DOCK11: variants seen among roughly 807,000 people sequenced by gnomAD.
DOCK11 encodes dedicator of cytokinesis protein 11.
A neutral mutation model predicts 169.1 loss-of-function variants in DOCK11; 70 were observed. The ratio of observed to expected loss-of-function variants is 0.41; its 90% CI spans 0.34 to 0.51. DOCK11 has a LOEUF of 0.51. DOCK11 is among the 20% of genes least tolerant of loss of function. The pLI is 0.10. For missense variants in DOCK11, 1,166 were observed against 1,538.8 expected (o/e 0.76, Z 4.05); for synonymous variants, 529 against 541.3 (o/e 0.98, Z 0.32).
At chrX:118,574,134 T>C in intron 12 of DOCK11, 116 bp downstream of exon 12, 1 of 788,786 alleles carries the variant, frequency 1.3e-6, no homozygotes. Context: ...TTGTAAGGTC[T>C]GTCGATAGAG....
chrX:118,565,661 A>G lies in DOCK11; in HGVS notation c.694-344A>G, dbSNP rs1383315963. 3.3e-4 allele frequency among the ~76,000 whole-genome samples: 37 copies of G among 111,962 alleles called. No individual in the cohort carries two copies. In the Admixed American group the frequency reaches 3.4e-3, roughly 10 times the overall value. On this transcript the variant is annotated intron_variant, in intron 7 of 52. Transcript: ENST00000276202. The stretch of plus-strand genomic sequence containing the variant: ...TCAAGGAAAAGTTTGAACGGAGTGG[A>G]AATTCTAAAATGTTTGCTTACTTTT...
At chrX:118,632,972 G>GGGGGGGGGGTGAGGGGGGT (rs2015287847) in intron 35 of DOCK11, 1 of 83,888 alleles carries the variant, frequency 1.2e-5, no homozygotes, top group Non-Finnish European at 2.3e-5. Flanking sequence ...GGGGCGGTGG[G>GGGGGGGGGGTGAGGGGGGT]GGGGGGGGTG....
In DOCK11 at chrX:118,579,316, G is replaced by A. The variant is rs759665445; in HGVS notation, c.1512+669G>A. On this transcript the variant is annotated intron_variant, in intron 13 of 52. Transcript: ENST00000276202. ...GAAATTCAAATGTTTGGAAATCATC[G>A]CTCTAATCTCATCCTCTCCTTTTAT... Among the ~76,000 whole-genome samples the A allele has an allele frequency of 1.7e-4, 19 of 111,618 alleles. No homozygotes were observed. The South Asian group carries it at 5.2e-3, about 31-fold the overall frequency.
At chrX:118,589,798 G>C (rs2013926435) in intron 18 of DOCK11, among the ~76,000 whole-genome samples, 1 of 112,409 alleles carries the variant, frequency 8.9e-6, no homozygotes, top group Admixed American at 9.4e-5. Context: ...GCTTCACCTT[G>C]CCCACTGCAC....
intron 48 of DOCK11, among the ~76,000 whole-genome samples, chrX:118,677,977 A>G (rs1295053805): frequency 1.8e-5 from 2 of 112,385 alleles, no homozygotes; most frequent in Non-Finnish European, 3.8e-5. Context: ...AATGCTAGCG[A>G]CAAACCACTA....
At chrX:118,571,740 A>C (rs946488963) in intron 10 of DOCK11, among the ~76,000 whole-genome samples, 1 of 112,116 alleles carries the variant, frequency 8.9e-6, no homozygotes, top group African/African-American at 3.2e-5. Context: ...CACATATAAA[A>C]AGTAATATTA....
chrX:118,609,204 A>AT (rs1257461347), intron 26 of DOCK11, 74 bp from the exon 27 acceptor site: 1 of 745,872 alleles, frequency 1.3e-6, no homozygotes, highest in African/African-American at 2.1e-5. Flanking sequence ...GACAAGACCC[A>AT]TATTGATCTG....
At chrX:118,639,933 C>T (rs1195230497) in intron 38 of DOCK11, among the ~76,000 whole-genome samples, 3 of 112,222 alleles carry the variant, frequency 2.7e-5, no homozygotes, top group South Asian at 3.6e-4. Flanking sequence ...CATGGAATTG[C>T]TATTCTCATA....
At chrX:118,623,886 A>C (rs1345232794) in intron 31 of DOCK11, among the ~76,000 whole-genome samples, 2 of 112,651 alleles carry the variant, frequency 1.8e-5, no homozygotes, top group African/African-American at 6.4e-5. Context: ...CTGGCGAGGA[A>C]TGTCTATAAG....
chrX:118,564,816 G>T (rs907751687), intron 7 of DOCK11, among the ~76,000 whole-genome samples: 1 of 108,032 alleles, frequency 9.3e-6, no homozygotes, highest in East Asian at 2.9e-4. Context: ...GAGTGCAGTG[G>T]CATGATCATA....
intron 28 of DOCK11, among the ~76,000 whole-genome samples, chrX:118,611,872 A>T (rs910650516): frequency 6.3e-5 from 7 of 111,530 alleles, no homozygotes; most frequent in African/African-American, 2.3e-4. Context: ...CTCATGTCTC[A>T]GCCTCCCAAG....
At chrX:118,670,996 C>T in intron 45 of DOCK11, 27 bp from the exon 46 acceptor site, 1 of 1,145,861 alleles carries the variant, frequency 8.7e-7, no homozygotes, top group Non-Finnish European at 1.2e-6. Flanking sequence ...ATTTTTAATT[C>T]CTAATTGGAT....
chrX:118,630,382 C>T lies in DOCK11; in HGVS notation c.3778C>T (p.Arg1260Ter). 8.4e-7 allele frequency: 1 copy of T among 1,192,427 alleles called. No homozygotes were observed. Among genetic ancestry groups the T allele is most frequent in the Non-Finnish European group, 1.1e-6 (1 of 880,743 alleles). The change falls in exon 35 of 53, where the codon CGA becomes TGA. Residue 1260 changes from arginine (R) to a stop codon, truncating the protein, a stop_gained. Coordinates refer to ENST00000276202, the MANE Select transcript of DOCK11 (RefSeq NM_144658.4). LOFTEE classifies it high-confidence loss of function. The stretch of plus-strand genomic sequence containing the variant: ...CACGAACATCCTGTCCTTACAGACC[C>T]GACAGAGTTCTACAAGGAGTAGTGT... ...PDQGNTGENT[R>*]QSSTRSSVSQ... is the part of the protein sequence containing the mutation.
intron 19 of DOCK11, among the ~76,000 whole-genome samples, chrX:118,592,221 A>G (rs1161309455): frequency 9.1e-6 from 1 of 110,119 alleles, no homozygotes; most frequent in Non-Finnish European, 1.9e-5. Context: ...GACTTCCACA[A>G]TGGTTGAACT....
intron 6 of DOCK11, among the ~76,000 whole-genome samples, chrX:118,547,620 G>T (rs1398995030): frequency 1.8e-5 from 2 of 112,311 alleles, no homozygotes; most frequent in African/African-American, 6.5e-5. Flanking sequence ...GTGAAGCTCA[G>T]AGAAATTCAA....
chrX:118,546,234 A>AAAAAAAAAAG (rs1168531233), intron 6 of DOCK11, 118 bp downstream of exon 6: 3 of 384,979 alleles, frequency 7.8e-6, no homozygotes, highest in African/African-American at 5.4e-5. Flanking sequence ...AAAAAAAAGG[A>AAAAAAAAAAG]GAGGATTCTC....
intron 6 of DOCK11, among the ~76,000 whole-genome samples, chrX:118,551,977 G>A (rs1297442146): frequency 4.8e-5 from 5 of 103,895 alleles, no homozygotes; most frequent in Middle Eastern, 4.9e-3. Context: ...GGTGGAGGTT[G>A]CAGTGAGCCA....
intron 6 of DOCK11, among the ~76,000 whole-genome samples, chrX:118,551,472 G>A (rs1296499366): frequency 8.9e-6 from 1 of 112,286 alleles, no homozygotes; most frequent in Non-Finnish European, 1.9e-5. Context: ...GCCAAGGCAG[G>A]AAGATGGCTT....
In DOCK11 at chrX:118,654,704, C is replaced by A; in HGVS notation, c.4798C>A (p.Leu1600Ile). The A allele has an allele frequency of 8.3e-7, 1 of 1,211,695 alleles. No homozygotes were observed. The highest frequency in any genetic ancestry group is 1.1e-6 in the Non-Finnish European group (1 of 895,384). The change falls in exon 43 of 53, where the codon CTA becomes ATA. Residue 1600 changes from leucine to isoleucine, a missense_variant. By Grantham distance (5) the Leu-to-Ile change is conservative. Coordinates refer to ENST00000276202, the MANE Select transcript of DOCK11 (RefSeq NM_144658.4). Reference protein sequence around the residue: ...MKEHEKDPEMLIDLQYSLAKS... With the variant: ...MKEHEKDPEMIIDLQYSLAKS... ...GGAGCATGAGAAAGACCCTGAAATG[C>A]TAATTGATCTCCAGTATAGCTTAGC...
Sources: allele counts gnomAD v4.1 joint callset (sites outside exome capture counted in the v4.1 genomes callset), GRCh38; gene constraint gnomAD v4.1.1; transcripts MANE v1.5; gene names NCBI Gene and HGNC (gene_info 2026-07-23, HGNC 2026-07-21).